Variants in NRG1 observed in about 807,000 individuals in gnomAD.
NRG1 encodes the protein neuregulin 1.
Under a neutral mutation model 63.8 loss-of-function variants are expected in NRG1, and 18 were observed. The ratio of observed to expected loss-of-function variants is 0.28; its 90% CI spans 0.19 to 0.42. The LOEUF is 0.42. Ranked by LOEUF, NRG1 falls within the 10% of genes least tolerant of loss-of-function variation. NRG1 has a pLI of 1.00. For synonymous variants in NRG1, 302 were observed against 301.3 expected (o/e 1.00, Z -0.02); for missense variants, 762 against 814.7 (o/e 0.94, Z 0.79).
At chr8:32,025,200 G>A (rs147709618) in intron 1 of NRG1, among the ~76,000 whole-genome samples, 74 of 151,928 alleles carry the variant, frequency 4.9e-4, no homozygotes, top group African/African-American at 1.8e-3. Flanking sequence ...TTACCATCTG[G>A]TCATTTTTGC....
intron 1 of NRG1, among the ~76,000 whole-genome samples, chr8:32,217,022 G>A (rs980678329): frequency 4.6e-5 from 7 of 151,916 alleles, no homozygotes; most frequent in African/African-American, 1.7e-4. Context: ...AGACCAGCCT[G>A]GCCAACATGG....
chr8:32,050,140 A>G (rs115054121), intron 1 of NRG1, among the ~76,000 whole-genome samples: 7 of 152,318 alleles, frequency 4.6e-5, no homozygotes, highest in Non-Finnish European at 8.8e-5. Flanking sequence ...ATAGGAAGGT[A>G]TATAGTAAAG....
At chr8:31,920,867 G>T (rs1422339075) in intron 1 of NRG1, among the ~76,000 whole-genome samples, 1 of 135,906 alleles carries the variant, frequency 7.4e-6, no homozygotes. Context: ...TAGATACATA[G>T]ATAGATAGAT....
intron 1 of NRG1, among the ~76,000 whole-genome samples, chr8:31,858,742 A>C (rs1828186978): frequency 6.6e-6 from 1 of 152,222 alleles, no homozygotes; most frequent in Non-Finnish European, 1.5e-5. Flanking sequence ...GAAAACTGCA[A>C]CACCTGCAGC....
At chr8:32,378,066 G>A (rs566213637) in intron 1 of NRG1, among the ~76,000 whole-genome samples, 1 of 152,276 alleles carries the variant, frequency 6.6e-6, no homozygotes, top group East Asian at 1.9e-4. Flanking sequence ...CCCACCCAGA[G>A]GAGGGCCGCT....
intron 1 of NRG1, among the ~76,000 whole-genome samples, chr8:31,694,085 C>T (rs1173393475): frequency 6.6e-6 from 1 of 152,188 alleles, no homozygotes. Flanking sequence ...TCAAGGGACC[C>T]ACCCACCTCA....
chr8:31,802,497 C>T (rs1178874631), intron 1 of NRG1, among the ~76,000 whole-genome samples: 1 of 151,410 alleles, frequency 6.6e-6, no homozygotes, highest in Non-Finnish European at 1.5e-5. Flanking sequence ...TAGAGACTCC[C>T]AAAAAAAGGC....
intron 1 of NRG1, among the ~76,000 whole-genome samples, chr8:31,772,018 C>G (rs1271810570): frequency 6.6e-6 from 1 of 152,198 alleles, no homozygotes; most frequent in Admixed American, 6.5e-5. Context: ...TACCCGAAGG[C>G]AATTATTCAA....
chr8:31,807,975 G>GTGTGTA (rs1554538758), intron 1 of NRG1, among the ~76,000 whole-genome samples: 24 of 143,856 alleles, frequency 1.7e-4, no homozygotes, highest in Non-Finnish European at 2.3e-4. Flanking sequence ...GTGTGTGTGT[G>GTGTGTA]TATCACATTT....
At chr8:32,040,628 CGTATGTATGTATAT>C (rs1819793215) in intron 1 of NRG1, among the ~76,000 whole-genome samples, 1 of 145,326 alleles carries the variant, frequency 6.9e-6, no homozygotes, top group African/African-American at 2.5e-5. Context: ...CATATATACA[CGTATGTATGTATAT>C]ATATGTATGT....
chr8:32,308,720 T>C (rs551261279), intron 1 of NRG1, among the ~76,000 whole-genome samples: 10 of 152,268 alleles, frequency 6.6e-5, no homozygotes, highest in Middle Eastern at 3.4e-3. Context: ...ACAAATGAAG[T>C]GTTCAGATGC....
At chr8:32,734,888 T>C (rs962617232) in intron 6 of NRG1, among the ~76,000 whole-genome samples, 7 of 152,364 alleles carry the variant, frequency 4.6e-5, no homozygotes, top group African/African-American at 1.7e-4. Flanking sequence ...TGAGACAGGC[T>C]CTGTGCTCAT....
Position 32,040,749 on chromosome 8 carries a change from G to GTATATATATATATATATATATA in NRG1, c.37+401318_37+401319insTATATATATATATATATATATA, listed in dbSNP as rs1819861160. On this transcript the variant is annotated intron_variant, in intron 1 of 10. Coordinates refer to the NRG1 transcript ENST00000519301. ...ATATATATATATATGAAATTTAGGC[G>GTATATATATATATATATATATA]CATATATATATATATATATGCGCCT... 2.2e-3 allele frequency among the ~76,000 whole-genome samples: 7 copies of GTATATATATATATATATATATA among 3,146 alleles called. 1 individual carries two copies. Among genetic ancestry groups the GTATATATATATATATATATATA allele is most frequent in the South Asian group, 0.028 (1 of 36 alleles). 2.1% of individuals were successfully genotyped at this position (3,146 alleles called of 152,430 possible). A position where few individuals can be genotyped will look rare whatever the true frequency, so the allele number is the denominator to read the frequency against.
chr8:31,722,296 T>A lies in NRG1; in HGVS notation c.37+82865T>A, dbSNP rs117316721. ...GGTCTCTCTATCCTCTTCCTCTTCATGTAACTAATTTCTTCCTGGCTCTTT... is the reference window on the plus strand; with the variant it reads ...GGTCTCTCTATCCTCTTCCTCTTCAAGTAACTAATTTCTTCCTGGCTCTTT... On this transcript the variant is annotated intron_variant, in intron 1 of 10. Coordinates refer to the NRG1 transcript ENST00000519301. Among the ~76,000 whole-genome samples, 587 of 152,208 alleles carry A rather than the reference T, an allele frequency of 3.9e-3. 1 individual carries two copies. Among genetic ancestry groups the A allele is most frequent in the South Asian group, 0.019 (92 of 4,822 alleles).
upstream of NRG1, among the ~76,000 whole-genome samples, chr8:32,547,464 C>G (rs947213302): frequency 2.0e-5 from 3 of 152,122 alleles, no homozygotes; most frequent in Non-Finnish European, 4.4e-5. Flanking sequence ...GTGCTCCGAA[C>G]TATGTTTTTT....
chr8:32,698,128 C>A (rs1563973364), intron 5 of NRG1, among the ~76,000 whole-genome samples: 1 of 151,948 alleles, frequency 6.6e-6, no homozygotes, highest in Non-Finnish European at 1.5e-5. Context: ...ATCACTTGAA[C>A]CCAGGAGGCA....
chr8:31,848,979 G>A lies in NRG1; in HGVS notation c.37+209548G>A, dbSNP rs535083522. On this transcript the variant is annotated intron_variant, in intron 1 of 10. Transcript: ENST00000519301. ...GGAGCATGGAAAAATTATCTTCCAC[G>A]AAACAGATCCCTATGCCAAAAAGTT... is the stretch of plus-strand genomic sequence containing the variant. Among the ~76,000 whole-genome samples the A allele has an allele frequency of 5.3e-5, 8 of 152,174 alleles. No individual in the cohort carries two copies. The East Asian group carries it at 7.7e-4, about 15-fold the overall frequency.
At chr8:32,188,919 C>A (rs185126651) in intron 1 of NRG1, among the ~76,000 whole-genome samples, 1 of 151,856 alleles carries the variant, frequency 6.6e-6, no homozygotes, top group African/African-American at 2.4e-5. Flanking sequence ...ATGTAACTAA[C>A]CTGCACATTG....
chr8:31,760,632 G>C (rs947943081), intron 1 of NRG1, among the ~76,000 whole-genome samples: 49 of 152,286 alleles, frequency 3.2e-4, no homozygotes, highest in African/African-American at 1.1e-3. Flanking sequence ...CCATCAAAAA[G>C]TGGGCAAAGG....
Sources: gnomAD v4.1 joint callset for allele counts (sites outside exome capture counted in the v4.1 genomes callset) on GRCh38, gnomAD v4.1.1 for gene constraint, MANE v1.5 for transcripts, NCBI Gene and HGNC (gene_info 2026-07-23, HGNC 2026-07-21) for gene names.